SRGAP3: variants seen among roughly 807,000 people sequenced by gnomAD.
The protein encoded by SRGAP3 is SLIT-ROBO Rho GTPase activating protein 3, also known as SLIT-ROBO Rho GTPase-activating protein 3.
In SRGAP3, 39 loss-of-function variants were observed where a neutral mutation model predicts 121.1. The observed-to-expected ratio is 0.32, with a 90% CI of 0.25 to 0.42. SRGAP3 has a LOEUF of 0.42. SRGAP3 is among the 10% of genes least tolerant of loss of function. The probability of loss-of-function intolerance (pLI) is 1.00; values close to 1 mark genes in which losing one functional copy is unlikely to be tolerated. For synonymous variants in SRGAP3, 601 were observed against 570.0 expected, an observed-to-expected ratio of 1.05 and a Z score of -0.77; for missense variants, 1,213 against 1,470.6, an observed-to-expected ratio of 0.82 and a Z score of 2.86.
intron 1 of SRGAP3, among the ~76,000 whole-genome samples, chr3:9,146,258 C>T (rs1437006123): frequency 6.6e-6 from 1 of 152,208 alleles, no homozygotes; most frequent in Non-Finnish European, 1.5e-5. Context: ...TGGAGTGCCA[C>T]AGGGCCCATC....
chr3:9,098,610 G>A (rs1020184038), intron 3 of SRGAP3, among the ~76,000 whole-genome samples: 4 of 152,158 alleles, frequency 2.6e-5, no homozygotes, highest in African/African-American at 9.7e-5. Flanking sequence ...TGGGCTCTGG[G>A]ATTGGACACA....
chr3:9,156,142 A>G (rs1324103735), intron 1 of SRGAP3, among the ~76,000 whole-genome samples: 1 of 152,204 alleles, frequency 6.6e-6, no homozygotes, highest in Non-Finnish European at 1.5e-5. Context: ...CAGCCCCTGC[A>G]GGATCCTCAG....
At chr3:9,327,093 G>A (rs564814191) in intron 2 of SRGAP3, among the ~76,000 whole-genome samples, 5 of 151,862 alleles carry the variant, frequency 3.3e-5, no homozygotes, top group Non-Finnish European at 7.4e-5. Context: ...TTCCATTAGT[G>A]TATTTTTAAT....
At chr3:9,108,451 C>T (rs1948497170) in intron 2 of SRGAP3, among the ~76,000 whole-genome samples, 1 of 152,032 alleles carries the variant, frequency 6.6e-6, no homozygotes, top group African/African-American at 2.4e-5. Context: ...GACTCCGTCT[C>T]TACAAAAAAT....
intron 3 of SRGAP3, among the ~76,000 whole-genome samples, chr3:9,301,880 C>T (rs1463370120): frequency 6.6e-6 from 1 of 152,192 alleles, no homozygotes; most frequent in Non-Finnish European, 1.5e-5. Context: ...TCACAGGTTT[C>T]GCATACTGCC....
At chr3:9,351,762 AG>A (rs2030176664) in intron 1 of SRGAP3, among the ~76,000 whole-genome samples, 1 of 152,214 alleles carries the variant, frequency 6.6e-6, no homozygotes, top group Non-Finnish European at 1.5e-5. Context: ...TTTGTAGCCT[AG>A]GAGCAACAGG....
chr3:9,031,809 T>A (rs1574944401), intron 12 of SRGAP3, among the ~76,000 whole-genome samples: 1 of 152,214 alleles, frequency 6.6e-6, no homozygotes, highest in Non-Finnish European at 1.5e-5. Context: ...AGAAAGTGTC[T>A]TCATTAGAAG....
intron 4 of SRGAP3, among the ~76,000 whole-genome samples, chr3:9,075,374 A>AGTGT (rs3067610): frequency 0.012 from 1,693 of 145,218 alleles, 25 homozygotes; most frequent in African/African-American, 0.041. Context: ...CATGTATGCA[A>AGTGT]GTGTGTGTGT....
chr3:9,277,847 A>G (rs962526486), intron 3 of SRGAP3, among the ~76,000 whole-genome samples: 1 of 152,134 alleles, frequency 6.6e-6, no homozygotes, highest in Admixed American at 6.5e-5. Context: ...AAATCCCAAC[A>G]CTCCTAATAA....
intron 1 of SRGAP3, among the ~76,000 whole-genome samples, chr3:9,141,300 G>A (rs542347493): frequency 2.2e-4 from 33 of 152,304 alleles, no homozygotes; most frequent in South Asian, 1.7e-3. Flanking sequence ...TTAATAGGGT[G>A]CAGGATGAAT....
chr3:9,213,320 C>T (rs966529478), intron 1 of SRGAP3, among the ~76,000 whole-genome samples: 4 of 121,238 alleles, frequency 3.3e-5, no homozygotes, highest in Non-Finnish European at 5.0e-5. Flanking sequence ...CCAAAACCTG[C>T]ATCATCTGAA....
At chr3:9,233,578 C>A (rs1215118054) in intron 1 of SRGAP3, among the ~76,000 whole-genome samples, 1 of 152,170 alleles carries the variant, frequency 6.6e-6, no homozygotes, top group Non-Finnish European at 1.5e-5. Flanking sequence ...TTTCTGACCC[C>A]TTAAATATTT....
chr3:9,242,005 G>T (rs982001619), intron 1 of SRGAP3, among the ~76,000 whole-genome samples: 2 of 150,330 alleles, frequency 1.3e-5, no homozygotes, highest in Non-Finnish European at 3.0e-5. Context: ...TTGAGCCCAG[G>T]GGGTGGAGGT....
rs559136279 is a variant in SRGAP3 at position 9,071,200 on chromosome 3, C to G, written c.487-6619G>C. ...CCACTTCCTCATTCTCCCCAAGGGACTCCTCCTCAGTGGACACCTGTTGTT... is the reference window on the plus strand; with the variant it reads ...CCACTTCCTCATTCTCCCCAAGGGAGTCCTCCTCAGTGGACACCTGTTGTT... On this transcript the variant is annotated intron_variant, in intron 4 of 21. Transcript: ENST00000383836. Among the ~76,000 whole-genome samples, 3 of 152,296 alleles carry G rather than the reference C, an allele frequency of 2.0e-5. No homozygotes were observed. In the South Asian group the frequency reaches 6.2e-4, roughly 32 times the overall value.
intron 1 of SRGAP3, among the ~76,000 whole-genome samples, chr3:9,208,490 C>G (rs9865792): frequency 6.6e-6 from 1 of 152,148 alleles, no homozygotes; most frequent in East Asian, 1.9e-4. Context: ...TGCTTTCACT[C>G]CCCGGACTCT....
Position 8,983,247 on chromosome 3 carries a change from A to G in SRGAP3, c.*2272T>C, listed in dbSNP as rs924734029. On this transcript the variant is annotated 3_prime_UTR_variant, in exon 22 of 22. Coordinates refer to ENST00000383836, the MANE Select transcript of SRGAP3 (RefSeq NM_014850.4). ...CACAGCCCAAGGCCTTACTCTCTTA[A>G]GCTGTAAAATGGCAATATCTTTCTG... The G allele has an allele frequency of 1.8e-5, 4 of 227,278 alleles. No homozygotes were observed. The highest frequency in any genetic ancestry group is 6.7e-5 in the African/African-American group (3 of 44,976). 14.1% of individuals were successfully genotyped at this position (227,278 alleles called of 1,614,324 possible).
At chr3:9,042,964 C>G (rs1945092543) in intron 10 of SRGAP3, among the ~76,000 whole-genome samples, 1 of 152,160 alleles carries the variant, frequency 6.6e-6, no homozygotes, top group African/African-American at 2.4e-5. Context: ...AAAACTCTTT[C>G]CCTGGTTTTT....
chr3:9,029,402 G>A (rs894357764), intron 12 of SRGAP3, among the ~76,000 whole-genome samples: 2 of 152,128 alleles, frequency 1.3e-5, no homozygotes, highest in Admixed American at 1.3e-4. Flanking sequence ...CCTGAGAGGA[G>A]GAGGAAAAAA....
At chr3:9,126,599 G>C (rs1949241216) in intron 1 of SRGAP3, among the ~76,000 whole-genome samples, 1 of 151,756 alleles carries the variant, frequency 6.6e-6, no homozygotes, top group Non-Finnish European at 1.5e-5. Flanking sequence ...CTGGGCGACA[G>C]AGCAAGACCC....
Sources: allele counts gnomAD v4.1 joint callset (sites outside exome capture counted in the v4.1 genomes callset), GRCh38; gene constraint gnomAD v4.1.1; transcripts MANE v1.5; gene names NCBI Gene and HGNC (gene_info 2026-07-23, HGNC 2026-07-21).